RRP8: variants seen among roughly 807,000 people sequenced by gnomAD.
RRP8 encodes ribosomal RNA processing 8, also known as ribosomal RNA-processing protein 8.
Under a neutral mutation model 45.0 loss-of-function variants are expected in RRP8, and 48 were observed. That is an observed-to-expected ratio of 1.07 (90% CI 0.85 to 1.36). RRP8 has a LOEUF of 1.36. Ranked by LOEUF, RRP8 falls within the 40% of genes most tolerant of loss-of-function variation. RRP8 has a pLI of 0.00. For missense variants in RRP8, 658 were observed against 573.7 expected, an observed-to-expected ratio of 1.15 and a Z score of -1.50; for synonymous variants, 274 against 212.4, an observed-to-expected ratio of 1.29 and a Z score of -2.52.
In RRP8 at chr11:6,600,882, G is replaced by A. The variant is rs76589565; in HGVS notation, c.1047+44C>T. The A allele has an allele frequency of 7.1e-3, 11,535 of 1,613,442 alleles. 76 individuals carry two copies. Among genetic ancestry groups the A allele is most frequent in the South Asian group, 0.021 (1,927 of 90,952 alleles). On this transcript the variant is annotated intron_variant, in intron 4 of 6. Coordinates refer to ENST00000254605, the MANE Select transcript of RRP8 (RefSeq NM_015324.4). ...AAGGAAGGGTTAGAGATTAGCATAC[G>A]GAGGTTGGCCCTAGAGCACAAGCCA...
chr11:6,601,544 G>A lies in RRP8; in HGVS notation c.522C>T (p.Ser174=). The change falls in exon 3 of 7, where the codon TCC becomes TCT. Residue 174 remains serine (S), a synonymous_variant. Coordinates refer to ENST00000254605, the MANE Select transcript of RRP8 (RefSeq NM_015324.4). ...TNDPPKQSPG[S]TSPKPPHTLS... ...ATGTATGAGGGGGTTTAGGGGAAGTGGACCCAGGGCTTTGCTTTGGTGGAT... is the reference window on the plus strand; with the variant it reads ...ATGTATGAGGGGGTTTAGGGGAAGTAGACCCAGGGCTTTGCTTTGGTGGAT... 2.5e-6 allele frequency: 4 copies of A among 1,607,964 alleles called. No individual in the cohort carries two copies. The highest frequency in any genetic ancestry group is 3.4e-6 in the Non-Finnish European group (4 of 1,180,008).
Position 6,602,092 on chromosome 11 carries a change from A to G in RRP8, c.223T>C (p.Cys75Arg), listed in dbSNP as rs766221737. 3.1e-6 allele frequency: 5 copies of G among 1,613,288 alleles called. No homozygotes were observed. The South Asian group carries it at 4.4e-5, about 14-fold the overall frequency. The change falls in exon 2 of 7, where the codon TGC (cysteine) becomes CGC (arginine). Residue 75 changes from cysteine to arginine, a missense_variant. Transcript: ENST00000254605. The part of the protein sequence containing the change: ...EEEEEERKKK[C>R]PKKASFASAS... ...CTGGCAAATGATGCCTTTTTGGGGC[A>G]TTTCTTCTTCCTTTCCTCCTCCTCC...
At chr11:6,601,774 A>C in intron 2 of RRP8, 78 bp downstream of exon 2, 1 of 1,499,498 alleles carries the variant, frequency 6.7e-7, no homozygotes, top group Non-Finnish European at 8.9e-7. Flanking sequence ...GCAGTGGATA[A>C]TCACTCTTGT....
chr11:6,595,644 G>A lies in RRP8; in HGVS notation c.*4502C>T, dbSNP rs117568955. On this transcript the variant is annotated 3_prime_UTR_variant, in exon 7 of 7. Coordinates refer to ENST00000254605, the MANE Select transcript of RRP8 (RefSeq NM_015324.4). ...AGAGTATCTCAACTTCCTATTGGGAGTACATGTTTTCCCCTGATTTTAAAC... is the reference window on the plus strand; with the variant it reads ...AGAGTATCTCAACTTCCTATTGGGAATACATGTTTTCCCCTGATTTTAAAC... 1 of 152,212 alleles carries A rather than the reference G, an allele frequency of 6.6e-6. No homozygotes were observed. The highest frequency in any genetic ancestry group is 1.9e-4 in the East Asian group (1 of 5,172). The allele number at this position is 152,212 out of a possible 1,614,324, so 9.4% of individuals were successfully genotyped here.
rs1382773279 is a variant in RRP8 at position 6,603,520 on chromosome 11, G to C, written c.-18C>G. On this transcript the variant is annotated 5_prime_UTR_variant, in exon 1 of 7. Transcript: ENST00000254605. ...TCGAACATGAGGGTCGGGAGGGCAG[G>C]GTCGCCGAGTCCCCGCTCTTCTCCA... 6.6e-7 allele frequency: 1 copy of C among 1,507,604 alleles called. No homozygotes were observed. Among genetic ancestry groups the C allele is most frequent in the South Asian group, 1.2e-5 (1 of 83,450 alleles). The allele number at this position is 1,507,604 out of a possible 1,614,324, so 93.4% of individuals were successfully genotyped here. A position where few individuals can be genotyped will look rare whatever the true frequency, so the allele number is the denominator to read the frequency against.
At chr11:6,602,542 G>C (rs1269132334) in intron 1 of RRP8, among the ~76,000 whole-genome samples, 1 of 152,198 alleles carries the variant, frequency 6.6e-6, no homozygotes, top group African/African-American at 2.4e-5. Context: ...GCCTAGAGCT[G>C]ATACATTTCT....
Position 6,603,422 on chromosome 11 carries a change from C to G in RRP8, c.81G>C (p.Ala27=). Residue 27 remains alanine, a synonymous_variant, in exon 1 of 7, where the codon GCG becomes GCC. Transcript: ENST00000254605. The part of the protein sequence containing the change: ...LGPVISRPPP[A]ASSQNKGSKR... ...CACTCACCTTGTTTTGCGAGGAGGC[C>G]GCAGGCGGAGGTCGTGAGATTACGG... 1 of 1,603,862 alleles carries G rather than the reference C, an allele frequency of 6.2e-7. No individual in the cohort carries two copies.
chr11:6,602,167 C>A lies in RRP8; in HGVS notation c.148G>T (p.Ala50Ser). 1 of 1,602,158 alleles carries A rather than the reference C, an allele frequency of 6.2e-7. No homozygotes were observed. Among genetic ancestry groups the A allele is most frequent in the Non-Finnish European group, 8.5e-7 (1 of 1,173,260 alleles). ...LLATLRALEAASLSQHPPSLC... is the reference protein window; with the variant it reads ...LLATLRALEASSLSQHPPSLC... ...CTGGGGGGATGCTGGGAAAGAGATG[C>A]TGCCTCTAGGGCCCGTAATGTGGCC... The change falls in exon 2 of 7, where the codon GCA becomes TCA. Residue 50 changes from alanine to serine, a missense_variant. Coordinates refer to ENST00000254605, the MANE Select transcript of RRP8 (RefSeq NM_015324.4).
chr11:6,602,014 G>A lies in RRP8; in HGVS notation c.301C>T (p.Pro101Ser). Reference protein sequence around the residue: ...KGKKKCQKQGPPCSDSEEEVE... With the variant: ...KGKKKCQKQGSPCSDSEEEVE... ...TCTTCCTCAGAGTCACTGCAAGGTG[G>A]GCCCTGTTTTTGACATTTCTTCTTC... The change falls in exon 2 of 7, where the codon CCA becomes TCA. Residue 101 changes from proline (P) to serine (S), a missense_variant. Coordinates refer to ENST00000254605, the MANE Select transcript of RRP8 (RefSeq NM_015324.4). 1 of 1,614,070 alleles carries A rather than the reference G, an allele frequency of 6.2e-7. No homozygotes were observed. Among genetic ancestry groups the A allele is most frequent in the Non-Finnish European group, 8.5e-7 (1 of 1,180,016 alleles).
In RRP8 at chr11:6,598,030, TTTCTC is replaced by T. The variant is rs1854263272; in HGVS notation, c.*2111_*2115del. ...GCTCCTCAGTTCTATTCTGAGCCAT[TTTCTC>T]TTCTCATTATCTTACCCTGAATATC... On this transcript the variant is annotated 3_prime_UTR_variant, in exon 7 of 7. Coordinates refer to ENST00000254605, the MANE Select transcript of RRP8 (RefSeq NM_015324.4). 1 of 152,212 alleles carries T rather than the reference TTTCTC, an allele frequency of 6.6e-6. No individual in the cohort carries two copies. Among genetic ancestry groups the T allele is most frequent in the Admixed American group, 6.6e-5 (1 of 15,256 alleles). 9.4% of individuals were successfully genotyped at this position (152,212 alleles called of 1,614,324 possible).
At chr11:6,602,330 A>G (rs1463834028) in intron 1 of RRP8, 115 bp from the exon 2 acceptor site, 1 of 1,291,538 alleles carries the variant, frequency 7.7e-7, no homozygotes, top group African/African-American at 1.5e-5. Flanking sequence ...AATTCTTCCC[A>G]GTCAAGCCTG....
rs1854247886 is a variant in RRP8, at chr11:6,597,580, C to A, written c.*2566G>T. The A allele has an allele frequency of 1.1e-5, 1 of 94,902 alleles. No homozygotes were observed. The highest frequency in any genetic ancestry group is 1.9e-5 in the Non-Finnish European group (1 of 53,340). 5.9% of individuals were successfully genotyped at this position (94,902 alleles called of 1,614,324 possible). On this transcript the variant is annotated 3_prime_UTR_variant, in exon 7 of 7. Transcript: ENST00000254605. ...CGACAGCTAACAACCTGCCCATCCT[C>A]CCATAAAAAAAAAAAAAAAAAAAAC...
In RRP8 at chr11:6,603,570, C is replaced by A; in HGVS notation, c.-68G>T. ...ACGTGCACAGCGCTCCTCTGGAAGTCGGAGCGCTCAGACCTGCCAGAACCG... is the reference window on the plus strand; with the variant it reads ...ACGTGCACAGCGCTCCTCTGGAAGTAGGAGCGCTCAGACCTGCCAGAACCG... On this transcript the variant is annotated 5_prime_UTR_variant, in exon 1 of 7. Coordinates refer to ENST00000254605, the MANE Select transcript of RRP8 (RefSeq NM_015324.4). The A allele has an allele frequency of 9.0e-7, 1 of 1,106,842 alleles. No individual in the cohort carries two copies. The highest frequency in any genetic ancestry group is 1.4e-5 in the South Asian group (1 of 69,490). The allele number at this position is 1,106,842 out of a possible 1,614,324, so 68.6% of individuals were successfully genotyped here.
At position 6,601,523 on chromosome 11, in the gene RRP8, A is replaced by G; in HGVS notation, c.543T>C (p.His181=). The change falls in exon 3 of 7, where the codon CAT becomes CAC. Residue 181 remains histidine, a synonymous_variant. Coordinates refer to ENST00000254605, the MANE Select transcript of RRP8 (RefSeq NM_015324.4). ...TCCGCCACTGCTTGCGGCTTAATGT[A>G]TGAGGGGGTTTAGGGGAAGTGGACC... ...SPGSTSPKPP[H]TLSRKQWRNR... is the part of the protein sequence containing the mutation. The G allele has an allele frequency of 1.2e-6, 2 of 1,610,922 alleles. No individual in the cohort carries two copies. The highest frequency in any genetic ancestry group is 1.7e-5 in the Admixed American group (1 of 60,006).
chr11:6,597,794 G>A lies in RRP8; in HGVS notation c.*2352C>T, dbSNP rs1045587107. 6.6e-6 allele frequency: 1 copy of A among 151,872 alleles called. No individual in the cohort carries two copies. 9.4% of individuals were successfully genotyped at this position (151,872 alleles called of 1,614,324 possible). On this transcript the variant is annotated 3_prime_UTR_variant, in exon 7 of 7. Transcript: ENST00000254605. ...TATTCCCAGCTACTCGGGAGTCTGA[G>A]GCAGGAGAAGTGCTTGAACCAGCAG...
In RRP8 at chr11:6,601,263, CG is replaced by C; in HGVS notation, c.802del (p.Arg268ValfsTer21). On this transcript the variant is annotated frameshift_variant, in exon 3 of 7. Coordinates refer to ENST00000254605, the MANE Select transcript of RRP8 (RefSeq NM_015324.4). LOFTEE classifies it high-confidence loss of function. ...LYSGPSSAAQ[R>X]LFQEDPEAFL... ...AGCCTCAGGGTCTTCCTGGAAGAGA[CG>C]CTGTGCAGCACTGCTGGGCCCTGAG... is the stretch of plus-strand genomic sequence containing the variant. 1 of 1,611,732 alleles carries C rather than the reference CG, an allele frequency of 6.2e-7. No individual in the cohort carries two copies. Among genetic ancestry groups the C allele is most frequent in the Non-Finnish European group, 8.5e-7 (1 of 1,178,868 alleles).
chr11:6,599,006 C>A lies in RRP8; in HGVS notation c.*1140G>T, dbSNP rs140354511. On this transcript the variant is annotated 3_prime_UTR_variant, in exon 7 of 7. Transcript: ENST00000254605. The stretch of plus-strand genomic sequence containing the variant: ...GTGGACAGACTCTTCCGCCAATGAA[C>A]AGCCCAATGCCCCCAAGCCCACATG... 1 of 152,434 alleles carries A rather than the reference C, an allele frequency of 6.6e-6. No individual in the cohort carries two copies. Among genetic ancestry groups the A allele is most frequent in the Non-Finnish European group, 1.5e-5 (1 of 68,074 alleles). 9.4% of individuals were successfully genotyped at this position (152,434 alleles called of 1,614,324 possible). A position where few individuals can be genotyped will look rare whatever the true frequency, so the allele number is the denominator to read the frequency against.
chr11:6,601,242 T>C lies in RRP8; in HGVS notation c.824A>G (p.Glu275Gly). The C allele has an allele frequency of 1.2e-6, 2 of 1,611,472 alleles. No individual in the cohort carries two copies. Among genetic ancestry groups the C allele is most frequent in the Non-Finnish European group, 1.7e-6 (2 of 1,178,772 alleles). The change falls in exon 3 of 7, where the codon GAG becomes GGG. Residue 275 changes from glutamate (E) to glycine (G), a missense_variant. By Grantham distance (98) the Glu-to-Gly change is moderately conservative. Coordinates refer to ENST00000254605, the MANE Select transcript of RRP8 (RefSeq NM_015324.4). ...AAQRLFQEDP[E>G]AFLLYHRGFQ... ...GCCGCGGTGGTAGAGAAGAAAAGCC[T>C]CAGGGTCTTCCTGGAAGAGACGCTG...
intron 2 of RRP8, 31 bp downstream of exon 2, chr11:6,601,821 A>AAC: frequency 1.3e-6 from 2 of 1,566,768 alleles, no homozygotes; most frequent in Non-Finnish European, 1.7e-6. Flanking sequence ...CACACACACC[A>AAC]ACACACACAC....
Sources: gnomAD v4.1 joint callset for allele counts (sites outside exome capture counted in the v4.1 genomes callset) on GRCh38, gnomAD v4.1.1 for gene constraint, MANE v1.5 for transcripts, NCBI Gene and HGNC (gene_info 2026-07-23, HGNC 2026-07-21) for gene names.